Variants in KIR2DL3 observed in about 807,000 individuals in gnomAD.
KIR2DL3 encodes killer cell immunoglobulin-like receptor 2DL3.
A neutral mutation model predicts 33.8 loss-of-function variants in KIR2DL3; 39 were observed. That is an observed-to-expected ratio of 1.15 (90% CI 0.89 to 1.51). KIR2DL3 has a LOEUF of 1.51. KIR2DL3 is among the 40% of genes most tolerant of loss of function. The probability of loss-of-function intolerance (pLI) is 0.00; values close to 1 mark genes in which losing one functional copy is unlikely to be tolerated. For synonymous variants in KIR2DL3, 174 were observed against 160.2 expected (o/e 1.09, Z -0.65); for missense variants, 462 against 426.2 (o/e 1.08, Z -0.74).
chr19:54,744,582 A>G (rs1037626474), intron 4 of KIR2DL3, among the ~76,000 whole-genome samples: 1 of 150,074 alleles, frequency 6.7e-6, no homozygotes, highest in African/African-American at 2.5e-5. Flanking sequence ...GCTGGAGTGC[A>G]GTGGCACAAT....
Position 54,752,121 on chromosome 19 carries a change from C to A in KIR2DL3, c.821-95C>A. 4.6e-6 allele frequency: 6 copies of A among 1,312,440 alleles called. No individual in the cohort carries two copies. In the Admixed American group the frequency reaches 7.9e-5, roughly 17 times the overall value. 81.3% of individuals were successfully genotyped at this position (1,312,440 alleles called of 1,614,324 possible). ...CTGTTGGCAACTGAGGGACCTCAGG[C>A]TCCTATGGTCTCCCCCTGTATGTTG... On this transcript the variant is annotated intron_variant, in intron 6 of 7. Transcript: ENST00000342376.
chr19:54,744,921 C>CATATATATATGTGTATATATATCT (rs2072105959), intron 4 of KIR2DL3, among the ~76,000 whole-genome samples: 1 of 25,254 alleles, frequency 4.0e-5, no homozygotes, highest in Admixed American at 6.7e-4. Context: ...CATATATAAA[C>CATATATATATGTGTATATATATCT]ATATATATAT....
At position 54,739,445 on chromosome 19, in the gene KIR2DL3, G is replaced by T. The variant is rs1183368070; in HGVS notation, c.35-62G>T. ...GCTGCCAAGACTCACAGCCCAGTGG[G>T]GGCAGCAAGGGAGGCCTGGTTTGCC... On this transcript the variant is annotated intron_variant, in intron 1 of 7. Transcript: ENST00000342376. The T allele has an allele frequency of 4.3e-6, 7 of 1,612,092 alleles. No homozygotes were observed. The Admixed American group carries it at 6.7e-5, about 15-fold the overall frequency.
At position 54,748,739 on chromosome 19, in the gene KIR2DL3, C is replaced by A. The variant is rs370257176; in HGVS notation, c.715+1354C>A. On this transcript the variant is annotated intron_variant, in intron 5 of 7. Transcript: ENST00000342376. ...TGGATTCAAGTGATTCTCCTGCCTC[C>A]GCCTCTCGAGTAGCTGGGATTACAG... Among the ~76,000 whole-genome samples the A allele has an allele frequency of 9.2e-5, 13 of 141,970 alleles. No homozygotes were observed. In the South Asian group the frequency reaches 9.3e-4, roughly 10 times the overall value. 93.1% of individuals were successfully genotyped at this position (141,970 alleles called of 152,430 possible).
In KIR2DL3 at chr19:54,742,047, C is replaced by T. The variant is rs868605760; in HGVS notation, c.138C>T (p.Ile46=). The change falls in exon 3 of 8, where the codon ATC becomes ATT. Residue 46 remains isoleucine (I), a synonymous_variant. Coordinates refer to ENST00000342376, the MANE Select transcript of KIR2DL3 (RefSeq NM_015868.3). ...TGGTGAAATCAGAAGAGACAGTCAT[C>T]CTGCAATGTTGGTCAGATGTCAGGT... ...GPLVKSEETV[I]LQCWSDVRFQ... is the part of the protein sequence containing the mutation. 1 of 1,613,122 alleles carries T rather than the reference C, an allele frequency of 6.2e-7. No homozygotes were observed. The highest frequency in any genetic ancestry group is 8.5e-7 in the Non-Finnish European group (1 of 1,179,424).
rs914308016 is a variant in KIR2DL3 at position 54,741,860 on chromosome 19, G to A, written c.71-120G>A. The A allele has an allele frequency of 4.0e-5, 51 of 1,279,128 alleles. No homozygotes were observed. In the African/African-American group the frequency reaches 6.9e-4, roughly 17 times the overall value. 79.2% of individuals were successfully genotyped at this position (1,279,128 alleles called of 1,614,324 possible). A position where few individuals can be genotyped will look rare whatever the true frequency, so the allele number is the denominator to read the frequency against. Reference sequence around the variant, plus strand: ...GAGTTAAGGGCACAGAAAAGAACATGAAGACACAGAGAGGAAGGAGAGAGA... The same window carrying A: ...GAGTTAAGGGCACAGAAAAGAACATAAAGACACAGAGAGGAAGGAGAGAGA... On this transcript the variant is annotated intron_variant, in intron 2 of 7. Transcript: ENST00000342376.
At chr19:54,750,977 T>G (rs1165131681) in intron 5 of KIR2DL3, among the ~76,000 whole-genome samples, 1 of 133,828 alleles carries the variant, frequency 7.5e-6, no homozygotes, top group Non-Finnish European at 1.6e-5. Flanking sequence ...CCCAGGCTGT[T>G]CTGAGACGTT....
chr19:54,751,005 G>T (rs1189699277), intron 5 of KIR2DL3, among the ~76,000 whole-genome samples: 3 of 132,480 alleles, frequency 2.3e-5, no homozygotes, highest in African/African-American at 8.6e-5. Flanking sequence ...ATCTCAGGAC[G>T]TTGCTGTCTT....
At chr19:54,751,563 G>C (rs1600469514) in intron 5 of KIR2DL3, 86 bp from the exon 6 acceptor site, 1 of 1,141,998 alleles carries the variant, frequency 8.8e-7, no homozygotes, top group Non-Finnish European at 1.3e-6. Flanking sequence ...GTTGTATGTG[G>C]TTACCTGTCA....
At chr19:54,747,450 G>T in intron 5 of KIR2DL3, 65 bp downstream of exon 5, 1 of 1,554,014 alleles carries the variant, frequency 6.4e-7, no homozygotes, top group Non-Finnish European at 8.9e-7. Context: ...TTCGATGCAG[G>T]CATTGACTCA....
Position 54,747,322 on chromosome 19 carries a change from T to C in KIR2DL3, c.665-13T>C, listed in dbSNP as rs1169327376. ...CCCTCATTTCCTCACCTCTCTCCTG[T>C]CTCGTGTTCTAGGAAACCCTTCAAA... On this transcript the variant is annotated splice_polypyrimidine_tract_variant and intron_variant, in intron 4 of 7. Coordinates refer to ENST00000342376, the MANE Select transcript of KIR2DL3 (RefSeq NM_015868.3). 6.2e-7 allele frequency: 1 copy of C among 1,610,552 alleles called. No individual in the cohort carries two copies. Among genetic ancestry groups the C allele is most frequent in the Admixed American group, 1.7e-5 (1 of 59,694 alleles).
chr19:54,741,734 C>G (rs2071158353), intron 2 of KIR2DL3, among the ~76,000 whole-genome samples: 1 of 151,060 alleles, frequency 6.6e-6, no homozygotes, highest in Admixed American at 6.6e-5. Flanking sequence ...GATACAACAC[C>G]CCAAGAGATG....
At chr19:54,739,070 A>G (rs1227598677) in intron 1 of KIR2DL3, among the ~76,000 whole-genome samples, 2 of 142,482 alleles carry the variant, frequency 1.4e-5, no homozygotes, top group Non-Finnish European at 3.0e-5. Context: ...CTAGAGGTGG[A>G]TATCTGGGCC....
intron 5 of KIR2DL3, among the ~76,000 whole-genome samples, chr19:54,749,981 C>G (rs2073167888): frequency 1.6e-5 from 2 of 127,190 alleles, no homozygotes; most frequent in South Asian, 5.8e-4. Flanking sequence ...CATCGTTTTT[C>G]TATTTCTCTA....
chr19:54,743,598 G>A (rs532604647), intron 3 of KIR2DL3, among the ~76,000 whole-genome samples, 197 bp from the exon 4 acceptor site: 9 of 151,946 alleles, frequency 5.9e-5, no homozygotes, highest in African/African-American at 2.2e-4. Flanking sequence ...TCTAGAGGTG[G>A]GGAAGCGAGG....
chr19:54,747,424 TG>T, intron 5 of KIR2DL3, 39 bp downstream of exon 5: 6 of 1,601,220 alleles, frequency 3.7e-6, no homozygotes, highest in Non-Finnish European at 5.1e-6. Context: ...TTTGGAAACC[TG>T]GGGAGGTAGA....
intron 1 of KIR2DL3, among the ~76,000 whole-genome samples, chr19:54,738,928 AG>A (rs201463198): frequency 1.8e-4 from 8 of 43,982 alleles, no homozygotes; most frequent in South Asian, 1.4e-3. Flanking sequence ...ATGGGCCTGG[AG>A]GTGGAGATAT....
At chr19:54,740,734 C>A (rs2147000417) in intron 2 of KIR2DL3, among the ~76,000 whole-genome samples, 1 of 152,036 alleles carries the variant, frequency 6.6e-6, no homozygotes, top group South Asian at 2.1e-4. Flanking sequence ...TGACTACATT[C>A]TAATCCCTGG....
chr19:54,740,246 A>AGGC (rs2146989841), intron 2 of KIR2DL3, among the ~76,000 whole-genome samples: 1 of 152,064 alleles, frequency 6.6e-6, no homozygotes, highest in East Asian at 1.9e-4. Context: ...CTCCTCTCTA[A>AGGC]GGCGGCGCCT....
Sources: gnomAD v4.1 joint callset for allele counts (sites outside exome capture counted in the v4.1 genomes callset) on GRCh38, gnomAD v4.1.1 for gene constraint, MANE v1.5 for transcripts, NCBI Gene and HGNC (gene_info 2026-07-23, HGNC 2026-07-21) for gene names.